RBFOX1: variants seen among roughly 807,000 people sequenced by gnomAD.
RBFOX1 encodes RNA binding fox-1 homolog 1.
Under a neutral mutation model 57.7 loss-of-function variants are expected in RBFOX1, and 8 were observed. The ratio of observed to expected loss-of-function variants is 0.14; its 90% CI spans 0.08 to 0.25. RBFOX1 has a LOEUF of 0.25. Among genes scored for constraint, RBFOX1 ranks in the 10% least tolerant of loss-of-function variants. The pLI is 1.00. For synonymous variants in RBFOX1, 326 were observed against 222.4 expected (o/e 1.47, Z -4.15); for missense variants, 611 against 548.5 (o/e 1.11, Z -1.14).
At chr16:5,858,864 C>G (rs924939324) in intron 3 of RBFOX1, among the ~76,000 whole-genome samples, 19 of 152,096 alleles carry the variant, frequency 1.2e-4, no homozygotes, top group African/African-American at 4.6e-4. Context: ...GGAACCAAGT[C>G]CCAGGCCAGA....
chr16:7,496,060 G>T (rs1292149840), intron 4 of RBFOX1, among the ~76,000 whole-genome samples: 1 of 152,144 alleles, frequency 6.6e-6, no homozygotes, highest in Non-Finnish European at 1.5e-5. Flanking sequence ...AAGATACTAG[G>T]CTGGGTCCAC....
intron 4 of RBFOX1, among the ~76,000 whole-genome samples, chr16:7,440,180 G>C (rs546798249): frequency 6.6e-5 from 10 of 152,162 alleles, no homozygotes; most frequent in African/African-American, 2.4e-4. Context: ...ACAGATGTGA[G>C]ACACTGTGTC....
At chr16:7,015,430 A>G (rs1330494043) in intron 3 of RBFOX1, among the ~76,000 whole-genome samples, 1 of 152,138 alleles carries the variant, frequency 6.6e-6, no homozygotes, top group Non-Finnish European at 1.5e-5. Flanking sequence ...TGGAATCTGA[A>G]TCTTCTGGAG....
chr16:5,310,040 T>G (rs548025239), intron 1 of RBFOX1, among the ~76,000 whole-genome samples: 1 of 152,332 alleles, frequency 6.6e-6, no homozygotes, highest in East Asian at 1.9e-4. Context: ...ACTTTTCCTA[T>G]TTTTCTCTTA....
At chr16:5,551,566 C>T (rs1021824272) in intron 2 of RBFOX1, among the ~76,000 whole-genome samples, 1 of 152,164 alleles carries the variant, frequency 6.6e-6, no homozygotes, top group African/African-American at 2.4e-5. Flanking sequence ...AAGGGTGATG[C>T]CTGTTCTCTA....
intron 3 of RBFOX1, among the ~76,000 whole-genome samples, chr16:7,042,977 T>C (rs41477346): frequency 0.21 from 32,278 of 152,072 alleles, 3,683 homozygotes; most frequent in East Asian, 0.46. Context: ...CCTAGCAGCA[T>C]AGTTAAAATT....
intron 3 of RBFOX1, among the ~76,000 whole-genome samples, chr16:6,947,162 A>G (rs181619218): frequency 1.3e-5 from 2 of 152,250 alleles, no homozygotes; most frequent in East Asian, 3.9e-4. Context: ...GGTCCAATAA[A>G]TCACTGGCTG....
At chr16:6,087,433 C>G (rs548054244) in intron 1 of RBFOX1, among the ~76,000 whole-genome samples, 1 of 152,162 alleles carries the variant, frequency 6.6e-6, no homozygotes, top group East Asian at 1.9e-4. Flanking sequence ...ATTCCAATAT[C>G]CATAGATAAC....
intron 3 of RBFOX1, among the ~76,000 whole-genome samples, chr16:6,806,773 C>T (rs925011179): frequency 5.1e-5 from 6 of 116,580 alleles, no homozygotes; most frequent in Non-Finnish European, 1.1e-4. Flanking sequence ...TTCTTTGTTT[C>T]TTTTTCTCTT....
chr16:5,635,585 G>A (rs1021191358), intron 3 of RBFOX1, among the ~76,000 whole-genome samples: 2 of 152,196 alleles, frequency 1.3e-5, no homozygotes, highest in Admixed American at 1.3e-4. Flanking sequence ...AAGCGTTTTA[G>A]CCTCAAACTT....
At chr16:6,435,973 C>G (rs79056090) in intron 2 of RBFOX1, among the ~76,000 whole-genome samples, 3,089 of 152,218 alleles carry the variant, frequency 0.02, 105 homozygotes, top group African/African-American at 0.07. Context: ...TTTCATTCTT[C>G]TCTTTGTTGT....
intron 4 of RBFOX1, among the ~76,000 whole-genome samples, chr16:5,935,384 C>G (rs927735383): frequency 1.3e-5 from 2 of 152,130 alleles, no homozygotes; most frequent in African/African-American, 4.8e-5. Flanking sequence ...GGCCAGGAGC[C>G]TGTATTGTGG....
chr16:7,424,282 G>A (rs1598108879), intron 4 of RBFOX1, among the ~76,000 whole-genome samples: 1 of 77,518 alleles, frequency 1.3e-5, no homozygotes, highest in African/African-American at 3.0e-5. Flanking sequence ...ATATGGGGGT[G>A]GGGGTCTAGC....
At chr16:6,296,791 A>G (rs2078168075) in intron 1 of RBFOX1, among the ~76,000 whole-genome samples, 1 of 152,188 alleles carries the variant, frequency 6.6e-6, no homozygotes, top group African/African-American at 2.4e-5. Context: ...TTTACTTGCC[A>G]GAGGAAGTCC....
At chr16:7,232,620 T>A (rs1259685946) in intron 4 of RBFOX1, among the ~76,000 whole-genome samples, 1 of 152,054 alleles carries the variant, frequency 6.6e-6, no homozygotes, top group Non-Finnish European at 1.5e-5. Flanking sequence ...AGCGGGTGGA[T>A]CACCTGAGGT....
At chr16:6,988,960 C>A (rs1184887560) in intron 3 of RBFOX1, among the ~76,000 whole-genome samples, 1 of 151,852 alleles carries the variant, frequency 6.6e-6, no homozygotes, top group Non-Finnish European at 1.5e-5. Flanking sequence ...GATGGGTTTT[C>A]CCATGTTGGC....
At chr16:6,720,643 G>A (rs974214706) in intron 3 of RBFOX1, among the ~76,000 whole-genome samples, 9 of 152,018 alleles carry the variant, frequency 5.9e-5, no homozygotes, top group Admixed American at 3.9e-4. Context: ...GAGACGTGTC[G>A]GGAGAATAGT....
At chr16:6,911,515 C>T (rs553022135) in intron 3 of RBFOX1, among the ~76,000 whole-genome samples, 1 of 152,056 alleles carries the variant, frequency 6.6e-6, no homozygotes, top group Non-Finnish European at 1.5e-5. Context: ...TGTCTGTCTC[C>T]CTGTCCAAAT....
At chr16:6,299,268 C>A (rs543463939) in intron 1 of RBFOX1, among the ~76,000 whole-genome samples, 1 of 152,210 alleles carries the variant, frequency 6.6e-6, no homozygotes, top group Non-Finnish European at 1.5e-5. Flanking sequence ...TCCGTCTCTT[C>A]CTCAGAGGAT....
Sources: gnomAD v4.1 joint callset for allele counts (sites outside exome capture counted in the v4.1 genomes callset) on GRCh38, gnomAD v4.1.1 for gene constraint, MANE v1.5 for transcripts, NCBI Gene and HGNC (gene_info 2026-07-23, HGNC 2026-07-21) for gene names.